ADPRH: variants seen among roughly 807,000 people sequenced by gnomAD.
The protein encoded by ADPRH is ADP-ribosylarginine hydrolase, also known as ADP-ribose-L-arginine cleaving enzyme.
A neutral mutation model predicts 28.8 loss-of-function variants in ADPRH; 27 were observed. The observed-to-expected ratio is 0.94, with a 90% confidence interval of 0.69 to 1.29. The LOEUF (loss-of-function observed/expected upper bound fraction) is 1.29. Among genes scored for constraint, ADPRH ranks in the 50% most tolerant of loss-of-function variants. The probability of loss-of-function intolerance (pLI) is 0.00; values close to 1 mark genes in which losing one functional copy is unlikely to be tolerated. For synonymous variants in ADPRH, 161 were observed against 166.9 expected (o/e 0.96, Z 0.27); for missense variants, 419 against 444.8 (o/e 0.94, Z 0.52).
chr3:119,581,222 C>A (rs1017020025), intron 2 of ADPRH, among the ~76,000 whole-genome samples: 1 of 152,162 alleles, frequency 6.6e-6, no homozygotes, highest in Non-Finnish European at 1.5e-5. Context: ...CATGCACCAC[C>A]ATACCCGGCT....
chr3:119,585,066 G>A (rs915509083), intron 3 of ADPRH, among the ~76,000 whole-genome samples: 12 of 152,216 alleles, frequency 7.9e-5, no homozygotes, highest in Non-Finnish European at 1.8e-4. Flanking sequence ...GAATTGGGGG[G>A]ACTCAATTCA....
chr3:119,581,889 G>A (rs896936395), intron 2 of ADPRH, among the ~76,000 whole-genome samples: 1 of 152,062 alleles, frequency 6.6e-6, no homozygotes, highest in Non-Finnish European at 1.5e-5. Context: ...GCCACTTATT[G>A]GCTCTGTGAC....
chr3:119,586,395 T>C lies in ADPRH; in HGVS notation c.409T>C (p.Cys137Arg), dbSNP rs774972021. ...GGCGAAMRAM[C>R]IGLRFPHHSQ... ...CTGTGGGGCTGCCATGCGGGCCATG[T>C]GCATCGGTCTCAGGTTCCCACACCA... The change falls in exon 4 of 5, where the codon TGC becomes CGC. Residue 137 changes from cysteine to arginine, a missense_variant. By Grantham distance (180) the Cys-to-Arg change is radical (BLOSUM62 -3). Coordinates refer to ENST00000357003, the MANE Select transcript of ADPRH (RefSeq NM_001125.4). 1 of 1,614,230 alleles carries C rather than the reference T, an allele frequency of 6.2e-7. No homozygotes were observed. The highest frequency in any genetic ancestry group is 8.5e-7 in the Non-Finnish European group (1 of 1,180,036).
Position 119,586,464 on chromosome 3 carries a change from C to A in ADPRH, c.478C>A (p.Arg160=), listed in dbSNP as rs780404094. Residue 160 remains arginine (R), a synonymous_variant, in exon 4 of 5, where the codon CGG becomes AGG. Transcript: ENST00000357003. ...TLIQVSIESG[R]MTHHHPTGYL... is the part of the protein sequence containing the mutation. ...GATCCAAGTGAGCATCGAGAGTGGT[C>A]GGATGACCCACCACCACCCAACAGG... 1.9e-6 allele frequency: 3 copies of A among 1,614,184 alleles called. No individual in the cohort carries two copies. The South Asian group carries it at 3.3e-5, about 18-fold the overall frequency.
intron 3 of ADPRH, among the ~76,000 whole-genome samples, chr3:119,585,726 T>C (rs969554132): frequency 6.6e-6 from 1 of 152,182 alleles, no homozygotes; most frequent in East Asian, 1.9e-4. Flanking sequence ...GTTTTTTGTA[T>C]TTTTAGTAGA....
chr3:119,582,357 C>T lies in ADPRH; in HGVS notation c.188C>T (p.Thr63Ile). ...VSDDTVMHLA[T>I]AEALVEAGKA... ...GACGACACAGTGATGCACTTGGCCACAGCAGAAGCTCTTGTGGAAGCTGGG... is the reference window on the plus strand; with the variant it reads ...GACGACACAGTGATGCACTTGGCCATAGCAGAAGCTCTTGTGGAAGCTGGG... The change falls in exon 3 of 5, where the codon ACA becomes ATA. Residue 63 changes from threonine to isoleucine, a missense_variant. By Grantham distance (89) the Thr-to-Ile change is moderately conservative. Coordinates refer to ENST00000357003, the MANE Select transcript of ADPRH (RefSeq NM_001125.4). The T allele has an allele frequency of 6.2e-7, 1 of 1,614,204 alleles. No homozygotes were observed. The highest frequency in any genetic ancestry group is 8.5e-7 in the Non-Finnish European group (1 of 1,180,028).
chr3:119,585,427 G>A (rs1290170149), intron 3 of ADPRH, among the ~76,000 whole-genome samples: 2 of 152,210 alleles, frequency 1.3e-5, no homozygotes, highest in African/African-American at 4.8e-5. Flanking sequence ...ACTCACCAAA[G>A]ACACATTGTT....
intron 2 of ADPRH, among the ~76,000 whole-genome samples, chr3:119,581,558 A>G (rs2082405078): frequency 6.6e-6 from 1 of 152,200 alleles, no homozygotes. Context: ...TTTGGGTTCC[A>G]GTACTTCCAC....
chr3:119,580,939 C>T (rs915834903), intron 2 of ADPRH, among the ~76,000 whole-genome samples: 1 of 151,902 alleles, frequency 6.6e-6, no homozygotes. Flanking sequence ...ACATTACTGT[C>T]GAAGGAAAGG....
chr3:119,585,666 C>T (rs1295983693), intron 3 of ADPRH, among the ~76,000 whole-genome samples: 1 of 152,254 alleles, frequency 6.6e-6, no homozygotes, highest in African/African-American at 2.4e-5. Flanking sequence ...TCTCCTGCCT[C>T]AGCCTTCCAA....
chr3:119,586,868 C>T (rs2082466714), intron 4 of ADPRH, among the ~76,000 whole-genome samples: 2 of 152,158 alleles, frequency 1.3e-5, no homozygotes, highest in Non-Finnish European at 2.9e-5. Context: ...GTGGTGTTTC[C>T]CTCTTACACG....
At position 119,586,450 on chromosome 3, in the gene ADPRH, G is replaced by A; in HGVS notation, c.464G>A (p.Ser155Asn). Residue 155 changes from serine (S) to asparagine (N), a missense_variant, in exon 4 of 5, where the codon AGC becomes AAC. Ser to Asn is a conservative substitution (Grantham distance 46). Transcript: ENST00000357003. ...CAACTGGACACACTGATCCAAGTGA[G>A]CATCGAGAGTGGTCGGATGACCCAC... Reference protein sequence around the residue: ...HSQLDTLIQVSIESGRMTHHH... With the variant: ...HSQLDTLIQVNIESGRMTHHH... 6.2e-7 allele frequency: 1 copy of A among 1,614,200 alleles called. No homozygotes were observed. Among genetic ancestry groups the A allele is most frequent in the Non-Finnish European group, 8.5e-7 (1 of 1,180,038 alleles).
chr3:119,583,818 C>T (rs549643968), intron 3 of ADPRH, among the ~76,000 whole-genome samples: 347 of 152,032 alleles, frequency 2.3e-3, no homozygotes, highest in South Asian at 2.5e-3. Context: ...CACTCTGTTG[C>T]CCAGGCTGGA....
chr3:119,579,953 A>G (rs2082391317), intron 1 of ADPRH, 102 bp downstream of exon 1: 1 of 152,130 alleles, frequency 6.6e-6, no homozygotes, highest in Admixed American at 6.5e-5. Flanking sequence ...AAATCGTGGG[A>G]GCGTGTCAAC....
In ADPRH at chr3:119,587,997, A is replaced by C. The variant is rs1015650578; in HGVS notation, c.*119A>C. The stretch of plus-strand genomic sequence containing the variant: ...CTTGTACTCAGGGAATTTTGAGATA[A>C]CAAGTCCCTTGGGCACCTTAAGCTC... On this transcript the variant is annotated 3_prime_UTR_variant, in exon 5 of 5. Coordinates refer to ENST00000357003, the MANE Select transcript of ADPRH (RefSeq NM_001125.4). 33 of 1,184,742 alleles carry C rather than the reference A, an allele frequency of 2.8e-5. No homozygotes were observed. In the East Asian group the frequency reaches 7.8e-4, roughly 28 times the overall value. 73.4% of individuals were successfully genotyped at this position (1,184,742 alleles called of 1,614,324 possible).
In ADPRH at chr3:119,589,010, T is replaced by C. The variant is rs1003023700; in HGVS notation, c.*1132T>C. ...ATCATGTTCCAATGAATACATCACC[T>C]TTCTTCATTTCTTGATGCTCTTCCC... is the stretch of plus-strand genomic sequence containing the variant. On this transcript the variant is annotated 3_prime_UTR_variant, in exon 5 of 5. Transcript: ENST00000357003. The C allele has an allele frequency of 6.6e-6, 1 of 151,986 alleles. No individual in the cohort carries two copies. Among genetic ancestry groups the C allele is most frequent in the South Asian group, 2.1e-4 (1 of 4,832 alleles). The allele number at this position is 151,986 out of a possible 1,614,324, so 9.4% of individuals were successfully genotyped here.
intron 2 of ADPRH, 69 bp from the exon 3 acceptor site, chr3:119,582,065 A>C: frequency 3.4e-6 from 4 of 1,180,426 alleles, no homozygotes; most frequent in Non-Finnish European, 4.8e-6. Context: ...AAACATAGCT[A>C]GAGTCGTTGT....
At position 119,586,400 on chromosome 3, in the gene ADPRH, C is replaced by A. The variant is rs146369894; in HGVS notation, c.414C>A (p.Ile138=). The A allele has an allele frequency of 6.2e-7, 1 of 1,614,106 alleles. No homozygotes were observed. Among genetic ancestry groups the A allele is most frequent in the Admixed American group, 1.7e-5 (1 of 60,008 alleles). The change falls in exon 4 of 5, where the codon ATC becomes ATA. Residue 138 remains isoleucine (I), a synonymous_variant. Coordinates refer to ENST00000357003, the MANE Select transcript of ADPRH (RefSeq NM_001125.4). Reference sequence around the variant, plus strand: ...GGGCTGCCATGCGGGCCATGTGCATCGGTCTCAGGTTCCCACACCATAGCC... The same window carrying A: ...GGGCTGCCATGCGGGCCATGTGCATAGGTCTCAGGTTCCCACACCATAGCC... ...GCGAAMRAMC[I]GLRFPHHSQL...
At chr3:119,586,767 C>T (rs1232448105) in intron 4 of ADPRH, 122 bp downstream of exon 4, 10 of 1,368,754 alleles carry the variant, frequency 7.3e-6, no homozygotes, top group South Asian at 1.4e-5. Flanking sequence ...CCCCCAGCCC[C>T]CTTTCTACCC....
Sources: allele counts gnomAD v4.1 joint callset (sites outside exome capture counted in the v4.1 genomes callset), GRCh38; gene constraint gnomAD v4.1.1; transcripts MANE v1.5; gene names NCBI Gene and HGNC (gene_info 2026-07-23, HGNC 2026-07-21).